PPTC7: variants seen among roughly 807,000 people sequenced by gnomAD.
PPTC7 encodes protein phosphatase targeting COQ7.
In PPTC7, 6 loss-of-function variants were observed where a neutral mutation model predicts 30.8. The observed-to-expected ratio is 0.19, with a 90% CI of 0.11 to 0.38. The LOEUF (loss-of-function observed/expected upper bound fraction) is 0.38, where lower values mean the gene tolerates loss of function less well. PPTC7 is among the 10% of genes least tolerant of loss of function. PPTC7 has a pLI of 1.00. For synonymous variants in PPTC7, 163 were observed against 168.1 expected (o/e 0.97, Z 0.23); for missense variants, 218 against 404.8 (o/e 0.54, Z 3.96).
In PPTC7 at chr12:110,582,940, C is replaced by A. The variant is rs542124071; in HGVS notation, c.92G>T (p.Gly31Val). ...GGCCGTCACCAGTCCGTAGTCGCCG[C>A]CGCCGCCGCCGCCGGCCCTGGGGTC... Reference protein sequence around the residue: ...QTDPRAGGGGGGDYGLVTAGC... With the variant: ...QTDPRAGGGGVGDYGLVTAGC... Residue 31 changes from glycine (G) to valine (V), a missense_variant, in exon 1 of 6, where the codon GGC becomes GTC. By Grantham distance (109) the Gly-to-Val change is moderately radical (BLOSUM62 -3). Transcript: ENST00000354300. 977 of 1,523,838 alleles carry A rather than the reference C, an allele frequency of 6.4e-4. 6 individuals carry two copies. The South Asian group carries it at 9.9e-3, about 15-fold the overall frequency. 94.4% of individuals were successfully genotyped at this position (1,523,838 alleles called of 1,614,324 possible). A position where few individuals can be genotyped will look rare whatever the true frequency, so the allele number is the denominator to read the frequency against.
intron 1 of PPTC7, among the ~76,000 whole-genome samples, chr12:110,566,929 G>C (rs2064488974): frequency 6.6e-6 from 1 of 152,154 alleles, no homozygotes; most frequent in South Asian, 2.1e-4. Flanking sequence ...ATTTTCCCCA[G>C]AAGGACTCTG....
intron 1 of PPTC7, among the ~76,000 whole-genome samples, chr12:110,581,574 T>C (rs1205021641): frequency 2.6e-5 from 4 of 152,226 alleles, no homozygotes; most frequent in South Asian, 4.1e-4. Context: ...TTAATATCAA[T>C]AGCGTTGCCT....
In PPTC7 at chr12:110,535,084, A is replaced by G. The variant is rs916251379; in HGVS notation, c.*1953T>C. 2 of 152,652 alleles carry G rather than the reference A, an allele frequency of 1.3e-5. No homozygotes were observed. Among genetic ancestry groups the G allele is most frequent in the Non-Finnish European group, 2.9e-5 (2 of 68,052 alleles). 9.5% of individuals were successfully genotyped at this position (152,652 alleles called of 1,614,324 possible). On this transcript the variant is annotated 3_prime_UTR_variant, in exon 6 of 6. Transcript: ENST00000354300. ...AACTTTCTTTACTTTTTAAATACACAGAGACTGCAAATAGTTTGTGCAAAA... is the reference window on the plus strand; with the variant it reads ...AACTTTCTTTACTTTTTAAATACACGGAGACTGCAAATAGTTTGTGCAAAA...
chr12:110,536,724 T>C lies in PPTC7; in HGVS notation c.*313A>G, dbSNP rs1157366302. 4 of 311,518 alleles carry C rather than the reference T, an allele frequency of 1.3e-5. No homozygotes were observed. Among genetic ancestry groups the C allele is most frequent in the Non-Finnish European group, 1.8e-5 (3 of 171,314 alleles). 19.3% of individuals were successfully genotyped at this position (311,518 alleles called of 1,614,324 possible). A position where few individuals can be genotyped will look rare whatever the true frequency, so the allele number is the denominator to read the frequency against. ...TACCAACATTACTCATTTTCAATAC[T>C]TCAACTACTTTGAAAAGTAACAGCC... On this transcript the variant is annotated 3_prime_UTR_variant, in exon 6 of 6. Transcript: ENST00000354300.
chr12:110,581,367 T>C (rs2064635718), intron 1 of PPTC7, among the ~76,000 whole-genome samples: 1 of 151,888 alleles, frequency 6.6e-6, no homozygotes, highest in South Asian at 2.1e-4. Context: ...TGAGCCAAGA[T>C]TGCGCCACTG....
chr12:110,535,017 C>T lies in PPTC7; in HGVS notation c.*2020G>A, dbSNP rs1238352072. 1 of 152,584 alleles carries T rather than the reference C, an allele frequency of 6.6e-6. No homozygotes were observed. The highest frequency in any genetic ancestry group is 1.5e-5 in the Non-Finnish European group (1 of 68,030). 9.5% of individuals were successfully genotyped at this position (152,584 alleles called of 1,614,324 possible). On this transcript the variant is annotated 3_prime_UTR_variant, in exon 6 of 6. Coordinates refer to ENST00000354300, the MANE Select transcript of PPTC7 (RefSeq NM_139283.2). ...AACAAAAGAGCTGAAGTTGTCAGTC[C>T]TAATATAAATGTATTCATTCTAACA...
chr12:110,556,405 A>T lies in PPTC7; in HGVS notation c.224-4437T>A, dbSNP rs182836786. On this transcript the variant is annotated intron_variant, in intron 1 of 5. Transcript: ENST00000354300. ...ATGAGAATCAGACTAAAACTAGAAT[A>T]ACCTACTACACGTACATATGAAACC... Among the ~76,000 whole-genome samples the T allele has an allele frequency of 2.0e-5, 3 of 152,352 alleles. No individual in the cohort carries two copies. The East Asian group carries it at 5.8e-4, about 29-fold the overall frequency.
In PPTC7 at chr12:110,550,991, A is replaced by G. The variant is rs1322848063; in HGVS notation, c.403+798T>C. On this transcript the variant is annotated intron_variant, in intron 2 of 5. Coordinates refer to ENST00000354300, the MANE Select transcript of PPTC7 (RefSeq NM_139283.2). ...TTTTATGTTTCTAAACTTGAAATAT[A>G]TGGAATCAGACTGTCAGGTGGAATT... Among the ~76,000 whole-genome samples the G allele has an allele frequency of 7.9e-5, 12 of 152,328 alleles. No homozygotes were observed. In the East Asian group the frequency reaches 1.9e-3, roughly 24 times the overall value.
chr12:110,540,321 C>A (rs868023484), intron 3 of PPTC7, among the ~76,000 whole-genome samples: 16 of 105,012 alleles, frequency 1.5e-4, no homozygotes, highest in African/African-American at 2.2e-4. Flanking sequence ...CCCCCCCCGC[C>A]TTTTTTTTTT....
intron 5 of PPTC7, among the ~76,000 whole-genome samples, chr12:110,537,800 C>T (rs929754758): frequency 6.6e-6 from 1 of 152,198 alleles, no homozygotes; most frequent in African/African-American, 2.4e-5. Context: ...ATGTCAGACA[C>T]GTGAAAGGCT....
chr12:110,545,974 C>T lies in PPTC7; in HGVS notation c.508G>A (p.Val170Met). Residue 170 changes from valine (V) to methionine (M), a missense_variant, in exon 3 of 6, where the codon GTG (valine) becomes ATG (methionine). Val to Met is a conservative substitution (Grantham distance 21). Coordinates refer to ENST00000354300, the MANE Select transcript of PPTC7 (RefSeq NM_139283.2). Reference sequence around the variant, plus strand: ...TGCTGCTGCTCATCTGATCGGTGCACGACTTCACCACCCCTGACAACCAGG... The same window carrying T: ...TGCTGCTGCTCATCTGATCGGTGCATGACTTCACCACCCCTGACAACCAGG... ...GFLVVRGGEV[V>M]HRSDEQQHYF... The T allele has an allele frequency of 1.2e-6, 2 of 1,614,154 alleles. No homozygotes were observed. Among genetic ancestry groups the T allele is most frequent in the East Asian group, 2.2e-5 (1 of 44,890 alleles).
rs114621911 is a variant in PPTC7, at chr12:110,552,074, T to C, written c.224-106A>G. On this transcript the variant is annotated intron_variant, in intron 1 of 5. Coordinates refer to ENST00000354300, the MANE Select transcript of PPTC7 (RefSeq NM_139283.2). ...GTTAATTTCACTACATGCTACTACATACATTCACTCCAAAATTCAGAATAA... is the reference window on the plus strand; with the variant it reads ...GTTAATTTCACTACATGCTACTACACACATTCACTCCAAAATTCAGAATAA... 1.3e-3 allele frequency: 1,053 copies of C among 833,558 alleles called. 7 individuals carry two copies. The African/African-American group carries it at 0.017, about 13-fold the overall frequency. 51.6% of individuals were successfully genotyped at this position (833,558 alleles called of 1,614,324 possible). A position where few individuals can be genotyped will look rare whatever the true frequency, so the allele number is the denominator to read the frequency against.
At chr12:110,569,032 G>GC (rs5800891) in intron 1 of PPTC7, among the ~76,000 whole-genome samples, 2,316 of 119,732 alleles carry the variant, frequency 0.019, 53 homozygotes, top group African/African-American at 0.063. Flanking sequence ...CCCTGTCCCC[G>GC]CCCCCCCCCC....
At chr12:110,539,560 AT>A (rs1256738046) in intron 4 of PPTC7, among the ~76,000 whole-genome samples, 1 of 152,238 alleles carries the variant, frequency 6.6e-6, no homozygotes, top group Non-Finnish European at 1.5e-5. Flanking sequence ...ACCCGACACC[AT>A]TAAAATATAA....
At chr12:110,565,182 A>G (rs1369291357) in intron 1 of PPTC7, among the ~76,000 whole-genome samples, 1 of 151,102 alleles carries the variant, frequency 6.6e-6, no homozygotes, top group South Asian at 2.1e-4. Flanking sequence ...TTTTTACTCT[A>G]TACATTGTTC....
At chr12:110,560,137 T>C (rs2064426381) in intron 1 of PPTC7, among the ~76,000 whole-genome samples, 1 of 152,160 alleles carries the variant, frequency 6.6e-6, no homozygotes, top group Non-Finnish European at 1.5e-5. Flanking sequence ...TGGTAGCTCA[T>C]ACCTGTAATC....
chr12:110,565,752 T>C (rs1207628572), intron 1 of PPTC7, among the ~76,000 whole-genome samples: 1 of 152,232 alleles, frequency 6.6e-6, no homozygotes, highest in Non-Finnish European at 1.5e-5. Flanking sequence ...TAATAAAATA[T>C]TTCCTGCATA....
At chr12:110,557,900 G>C (rs751492055) in intron 1 of PPTC7, among the ~76,000 whole-genome samples, 41 of 152,062 alleles carry the variant, frequency 2.7e-4, no homozygotes, top group Non-Finnish European at 5.0e-4. Flanking sequence ...GAGCAAAGGG[G>C]GAAAAGCCCC....
intron 1 of PPTC7, among the ~76,000 whole-genome samples, chr12:110,573,742 G>A (rs1204739939): frequency 3.3e-5 from 5 of 151,950 alleles, no homozygotes; most frequent in Non-Finnish European, 7.4e-5. Context: ...AGCACTTTGG[G>A]AGGCCGAGGC....
Sources: gnomAD v4.1 joint callset for allele counts (sites outside exome capture counted in the v4.1 genomes callset) on GRCh38, gnomAD v4.1.1 for gene constraint, MANE v1.5 for transcripts, NCBI Gene and HGNC (gene_info 2026-07-23, HGNC 2026-07-21) for gene names.